The following GRK7 variants were observed in gnomAD, a reference collection of about 807,000 sequenced individuals.
GRK7 encodes G protein-coupled receptor kinase 7.
GRK7 carries 24 observed loss-of-function variants against 34.1 expected under a neutral mutation model. That is an observed-to-expected ratio of 0.70 (90% CI 0.51 to 0.99). The LOEUF (loss-of-function observed/expected upper bound fraction) is 0.99. Among genes scored for constraint, GRK7 ranks in the 50% least tolerant of loss-of-function variants. The pLI is 0.00. For missense variants in GRK7, 644 were observed against 707.3 expected (o/e 0.91, Z 1.02); for synonymous variants, 256 against 279.4 (o/e 0.92, Z 0.84).
At position 141,780,409 on chromosome 3, in the gene GRK7, G is replaced by A; in HGVS notation, c.648G>A (p.Met216Ile). The A allele has an allele frequency of 1.2e-6, 2 of 1,614,200 alleles. No individual in the cohort carries two copies. The highest frequency in any genetic ancestry group is 2.2e-5 in the East Asian group (1 of 44,882). ...CAVQVKNTGK[M>I]YACKKLDKKR... ...TCCAGGTGAAAAACACTGGGAAGATGTATGCCTGTAAGAAACTGGACAAGA... is the reference window on the plus strand; with the variant it reads ...TCCAGGTGAAAAACACTGGGAAGATATATGCCTGTAAGAAACTGGACAAGA... Residue 216 changes from methionine (M) to isoleucine (I), a missense_variant, in exon 4 of 6, where the codon ATG becomes ATA. Met to Ile is a conservative substitution (Grantham distance 10). Coordinates refer to ENST00000682958, the MANE Select transcript of GRK7 (RefSeq NM_139209.3).
intron 4 of GRK7, among the ~76,000 whole-genome samples, chr3:141,792,265 AT>A (rs2084728058): frequency 6.6e-6 from 1 of 151,786 alleles, no homozygotes; most frequent in Admixed American, 6.6e-5. Context: ...TTAGCCGGGC[AT>A]TGTAGCACAT....
At chr3:141,766,345 A>T (rs1334847883) in intron 1 of GRK7, among the ~76,000 whole-genome samples, 1 of 151,998 alleles carries the variant, frequency 6.6e-6, no homozygotes, top group Admixed American at 6.5e-5. Flanking sequence ...TTGTATTTTT[A>T]GTAGAGATAG....
At chr3:141,758,745 C>A (rs1321888805), upstream of GRK7, among the ~76,000 whole-genome samples, 1 of 141,634 alleles carries the variant, frequency 7.1e-6, no homozygotes, top group Non-Finnish European at 1.5e-5. Context: ...TTACCTTGGG[C>A]AGTATGGCCA....
rs115089046 is a variant in GRK7, at chr3:141,763,589, C to G, written c.-2364C>G. On this transcript the variant is annotated 5_prime_UTR_variant, in exon 1 of 6. The change creates a new upstream start codon in the 5' untranslated region. Transcript: ENST00000682958. ...AAGCTGCAGGATCCCGGATCCAGAT[C>G]CAGTGTGCGTGGCAAGGCCAGCACC... Among the ~76,000 whole-genome samples, 2,565 of 152,232 alleles carry G rather than the reference C, an allele frequency of 0.017. 68 individuals carry two copies. Among genetic ancestry groups the G allele is most frequent in the African/African-American group, 0.058 (2,408 of 41,518 alleles).
chr3:141,772,859 G>A (rs926503491), intron 1 of GRK7, among the ~76,000 whole-genome samples: 4 of 152,066 alleles, frequency 2.6e-5, no homozygotes, highest in Admixed American at 6.6e-5. Context: ...GAGGCCGGGC[G>A]CAGTGGCTCA....
At chr3:141,799,405 G>A (rs1331920902) in intron 4 of GRK7, among the ~76,000 whole-genome samples, 2 of 152,154 alleles carry the variant, frequency 1.3e-5, no homozygotes, top group Non-Finnish European at 2.9e-5. Context: ...AGGAGGTCGG[G>A]AGTTCGAGAC....
At chr3:141,792,933 G>A (rs527246484) in intron 4 of GRK7, among the ~76,000 whole-genome samples, 8 of 152,058 alleles carry the variant, frequency 5.3e-5, no homozygotes, top group Non-Finnish European at 5.9e-5. Flanking sequence ...ACCCAAAAGG[G>A]CAGGGTTCAG....
chr3:141,785,623 G>A (rs2084692425), intron 4 of GRK7, among the ~76,000 whole-genome samples: 2 of 152,116 alleles, frequency 1.3e-5, no homozygotes, highest in Admixed American at 6.6e-5. Context: ...AATTAGCCAG[G>A]CATGGTGGTG....
chr3:141,797,501 G>A (rs903157789), intron 4 of GRK7, among the ~76,000 whole-genome samples: 1 of 152,254 alleles, frequency 6.6e-6, no homozygotes, highest in Admixed American at 6.5e-5. Context: ...AGAGCCCCAG[G>A]AAACAGCTGA....
rs1463183830 is a variant in GRK7, at chr3:141,780,684, A to ATGAAC, written c.925_929dup (p.Gly311AsnfsTer9). 1.9e-6 allele frequency: 3 copies of ATGAAC among 1,614,224 alleles called. No individual in the cohort carries two copies. Among genetic ancestry groups the ATGAAC allele is most frequent in the Non-Finnish European group, 2.5e-6 (3 of 1,180,036 alleles). On this transcript the variant is annotated frameshift_variant, in exon 4 of 6. Transcript: ENST00000682958. LOFTEE classifies it high-confidence loss of function. ...ATAGCCTGTGGGATGCTGCACCTCC[A>ATGAAC]TGAACTCGGCATCGTCTATCGGGAC...
chr3:141,758,819 C>T (rs997076517), upstream of GRK7, among the ~76,000 whole-genome samples: 1 of 151,594 alleles, frequency 6.6e-6, no homozygotes, highest in Non-Finnish European at 1.5e-5. Context: ...TTTGTATCCT[C>T]TTTTATTTCC....
At chr3:141,766,513 C>T (rs1017290214) in intron 1 of GRK7, among the ~76,000 whole-genome samples, 6 of 151,944 alleles carry the variant, frequency 3.9e-5, no homozygotes, top group East Asian at 1.9e-4. Context: ...TACTTTTATT[C>T]GCCACCAAAT....
intron 4 of GRK7, among the ~76,000 whole-genome samples, chr3:141,798,911 A>C (rs775755240): frequency 1.5e-4 from 23 of 152,154 alleles, no homozygotes; most frequent in Non-Finnish European, 2.2e-4. Context: ...TAGTCCTGAA[A>C]ATTATTTGGA....
chr3:141,794,040 A>G (rs946359511), intron 4 of GRK7, among the ~76,000 whole-genome samples: 22 of 152,140 alleles, frequency 1.4e-4, no homozygotes, highest in Admixed American at 8.5e-4. Context: ...GGCCCCTACC[A>G]GGCAGAAAGT....
chr3:141,777,451 A>G (rs1270152052), intron 2 of GRK7, among the ~76,000 whole-genome samples: 1 of 135,148 alleles, frequency 7.4e-6, no homozygotes, highest in Non-Finnish European at 1.6e-5. Flanking sequence ...CAGCCTCCCG[A>G]GTAGCTGGGA....
intron 4 of GRK7, among the ~76,000 whole-genome samples, chr3:141,804,627 A>G (rs562553581): frequency 4.1e-4 from 62 of 151,002 alleles, no homozygotes; most frequent in African/African-American, 1.5e-3. Flanking sequence ...GCTCATACAT[A>G]CACACACTCA....
At chr3:141,770,757 C>T (rs1005374291) in intron 1 of GRK7, among the ~76,000 whole-genome samples, 5 of 152,050 alleles carry the variant, frequency 3.3e-5, no homozygotes, top group Non-Finnish European at 7.4e-5. Context: ...AAACAACAAA[C>T]GTTGGTGAGG....
chr3:141,783,661 G>C (rs1415302496), intron 4 of GRK7, among the ~76,000 whole-genome samples: 1 of 152,188 alleles, frequency 6.6e-6, no homozygotes, highest in East Asian at 1.9e-4. Flanking sequence ...ACTCTGGAAG[G>C]GGGAGACTGG....
At chr3:141,750,764 CTTTTTT>C in the GRK7 span, among the ~76,000 whole-genome samples, 1 of 143,142 alleles carries the variant, frequency 7.0e-6, no homozygotes, top group African/African-American at 2.6e-5. Context: ...GGTTTATAAC[CTTTTTT>C]TTTTTTTTTT....
Sources: allele counts gnomAD v4.1 joint callset (sites outside exome capture counted in the v4.1 genomes callset), GRCh38; gene constraint gnomAD v4.1.1; transcripts MANE v1.5; gene names NCBI Gene and HGNC (gene_info 2026-07-23, HGNC 2026-07-21).